The following AAR2 variants were observed in gnomAD, a reference collection of about 807,000 sequenced individuals.
The protein encoded by AAR2 is protein AAR2 homolog.
Under a neutral mutation model 26.9 loss-of-function variants are expected in AAR2, and 31 were observed. The ratio of observed to expected loss-of-function variants is 1.15; its 90% confidence interval spans 0.86 to 1.55. AAR2 has a LOEUF of 1.55. Among genes scored for constraint, AAR2 ranks in the 40% most tolerant of loss-of-function variants. AAR2 has a pLI of 0.00. For missense variants in AAR2, 430 were observed against 491.3 expected (o/e 0.88, Z 1.18); for synonymous variants, 188 against 196.1 (o/e 0.96, Z 0.34).
At chr20:36,252,050 C>G (rs2064784245) in intron 3 of AAR2, among the ~76,000 whole-genome samples, 1 of 152,198 alleles carries the variant, frequency 6.6e-6, no homozygotes, top group Non-Finnish European at 1.5e-5. Context: ...GTGCAAATCA[C>G]TGTGATACAA....
intron 3 of AAR2, among the ~76,000 whole-genome samples, chr20:36,255,232 C>T (rs2064809823): frequency 6.6e-6 from 1 of 152,216 alleles, no homozygotes; most frequent in Non-Finnish European, 1.5e-5. Context: ...TATAAGCACC[C>T]CCAAGCCTTT....
At chr20:36,255,527 G>GC in intron 3 of AAR2, 51 bp from the exon 4 acceptor site, 2 of 1,600,066 alleles carry the variant, frequency 1.2e-6, no homozygotes, top group South Asian at 1.1e-5. Context: ...CAGCTTTCTC[G>GC]CCCCCTGCCC....
At chr20:36,239,628 A>C (rs2064653986) in intron 1 of AAR2, among the ~76,000 whole-genome samples, 193 bp from the exon 2 acceptor site, 1 of 152,178 alleles carries the variant, frequency 6.6e-6, no homozygotes, top group Non-Finnish European at 1.5e-5. Flanking sequence ...CTTGCATGTT[A>C]AGCCAAAACA....
chr20:36,250,420 T>G (rs1214395661), intron 3 of AAR2, among the ~76,000 whole-genome samples: 1 of 152,262 alleles, frequency 6.6e-6, no homozygotes, highest in Non-Finnish European at 1.5e-5. Context: ...TGATTTTGTT[T>G]TAGTGAATAA....
At position 36,240,119 on chromosome 20, in the gene AAR2, G is replaced by A. The variant is rs373216629; in HGVS notation, c.251G>A (p.Arg84Gln). 2.4e-5 allele frequency: 38 copies of A among 1,614,080 alleles called. No individual in the cohort carries two copies. Among genetic ancestry groups the A allele is most frequent in the South Asian group, 6.6e-5 (6 of 91,088 alleles). The change falls in exon 2 of 4, where the codon CGG becomes CAG. Residue 84 changes from arginine to glutamine, a missense_variant. Coordinates refer to ENST00000320849, the MANE Select transcript of AAR2 (RefSeq NM_001271874.2). Reference sequence around the variant, plus strand: ...GGTTTCTTCCTTAGCCTGCACCAGCGGGGGCTGACAGTGCTGCGCTGGAGC... The same window carrying A: ...GGTTTCTTCCTTAGCCTGCACCAGCAGGGGCTGACAGTGCTGCGCTGGAGC... ...RMGFFLSLHQ[R>Q]GLTVLRWSTL...
chr20:36,240,625 G>T lies in AAR2; in HGVS notation c.757G>T (p.Gly253Cys). The change falls in exon 2 of 4, where the codon GGT becomes TGT. Residue 253 changes from glycine to cysteine, a missense_variant and splice_region_variant. Transcript: ENST00000320849. ...QFPSSPQDVL[G>C]ELQFAFVCFL... is the part of the protein sequence containing the mutation. ...CCCCAGCAGCCCCCAGGATGTGCTT[G>T]GTGAGAAGGAACAAGGCTCTTTGGG... is the stretch of plus-strand genomic sequence containing the variant. 2.5e-6 allele frequency: 4 copies of T among 1,607,442 alleles called. No individual in the cohort carries two copies. Among genetic ancestry groups the T allele is most frequent in the Non-Finnish European group, 3.4e-6 (4 of 1,176,086 alleles).
At chr20:36,239,077 T>C (rs1227975454) in intron 1 of AAR2, among the ~76,000 whole-genome samples, 13 of 152,232 alleles carry the variant, frequency 8.5e-5, no homozygotes, top group Admixed American at 7.9e-4. Context: ...TACTAAGCTC[T>C]TTCTCTTCTG....
In AAR2 at chr20:36,240,424, A is replaced by G; in HGVS notation, c.556A>G (p.Lys186Glu). 1 of 1,614,226 alleles carries G rather than the reference A, an allele frequency of 6.2e-7. No homozygotes were observed. Among genetic ancestry groups the G allele is most frequent in the African/African-American group, 1.3e-5 (1 of 75,052 alleles). Residue 186 changes from lysine (K) to glutamate (E), a missense_variant, in exon 2 of 4, where the codon AAA (lysine) becomes GAA (glutamate). Lys to Glu is a moderately conservative substitution (Grantham distance 56). Coordinates refer to ENST00000320849, the MANE Select transcript of AAR2 (RefSeq NM_001271874.2). The stretch of plus-strand genomic sequence containing the variant: ...TCTACCCCGCTGTGGCATTGAGTGC[A>G]AAAGCTACCAAGAGGGCCTGGCCCG... ...QNLPRCGIEC[K>E]SYQEGLARLP...
intron 2 of AAR2, 128 bp downstream of exon 2, chr20:36,240,753 G>C: frequency 1.6e-6 from 2 of 1,260,552 alleles, no homozygotes; most frequent in Non-Finnish European, 1.1e-6. Context: ...TGAAGATACA[G>C]GTGTGTCTTT....
intron 3 of AAR2, 41 bp downstream of exon 3, chr20:36,244,967 A>G: frequency 6.5e-7 from 1 of 1,548,654 alleles, no homozygotes; most frequent in Non-Finnish European, 8.9e-7. Context: ...CATGTGGGTC[A>G]GAATTGAGGC....
At chr20:36,255,088 TA>T (rs112619484) in intron 3 of AAR2, among the ~76,000 whole-genome samples, 26 of 150,532 alleles carry the variant, frequency 1.7e-4, no homozygotes, top group East Asian at 1.6e-3. Flanking sequence ...TTACCACAAT[TA>T]AAAAAAAAAT....
intron 2 of AAR2, among the ~76,000 whole-genome samples, chr20:36,244,166 T>C (rs979786962): frequency 8.5e-5 from 13 of 152,066 alleles, no homozygotes; most frequent in Non-Finnish European, 1.6e-4. Flanking sequence ...CCTTGTGGAG[T>C]TGGGCTGAGG....
At chr20:36,242,411 G>T (rs2064692452) in intron 2 of AAR2, among the ~76,000 whole-genome samples, 1 of 148,554 alleles carries the variant, frequency 6.7e-6, no homozygotes, top group Admixed American at 6.7e-5. Context: ...TTGTTGTTGA[G>T]ACGGAGTCTT....
At chr20:36,239,604 G>A (rs1421403337) in intron 1 of AAR2, among the ~76,000 whole-genome samples, 2 of 152,184 alleles carry the variant, frequency 1.3e-5, no homozygotes, top group Non-Finnish European at 2.9e-5. Flanking sequence ...TCTTATAGCT[G>A]TGAAGTGAGT....
chr20:36,256,811 CTG>C lies in AAR2; in HGVS notation c.*1067_*1068del, dbSNP rs1265894671. ...GTCCCTGTGCCATCCTTTTCCAAGACTGGGGCTCACACCATGTTTTTGAATGA... is the reference window on the plus strand; with the variant it reads ...GTCCCTGTGCCATCCTTTTCCAAGACGGGCTCACACCATGTTTTTGAATGA... On this transcript the variant is annotated 3_prime_UTR_variant, in exon 4 of 4. Coordinates refer to ENST00000320849, the MANE Select transcript of AAR2 (RefSeq NM_001271874.2). 6.5e-6 allele frequency: 1 copy of C among 152,686 alleles called. No homozygotes were observed. Among genetic ancestry groups the C allele is most frequent in the Non-Finnish European group, 1.5e-5 (1 of 68,050 alleles). 9.5% of individuals were successfully genotyped at this position (152,686 alleles called of 1,614,324 possible).
At chr20:36,237,232 T>C (rs1200803492) in intron 1 of AAR2, among the ~76,000 whole-genome samples, 1 of 152,134 alleles carries the variant, frequency 6.6e-6, no homozygotes, top group African/African-American at 2.4e-5. Context: ...TTGTAGGTAA[T>C]AGGAAGAATT....
At chr20:36,253,635 A>C (rs574167419) in intron 3 of AAR2, among the ~76,000 whole-genome samples, 6 of 152,266 alleles carry the variant, frequency 3.9e-5, no homozygotes, top group African/African-American at 1.4e-4. Context: ...ATGTGGAAAA[A>C]ATTACCATTC....
chr20:36,255,430 G>A (rs2064811695), intron 3 of AAR2, 148 bp from the exon 4 acceptor site: 1 of 878,940 alleles, frequency 1.1e-6, no homozygotes. Context: ...CTTGGTTTGG[G>A]GGGAGCATAG....
chr20:36,247,131 A>T (rs1055254439), intron 3 of AAR2, among the ~76,000 whole-genome samples: 1 of 152,260 alleles, frequency 6.6e-6, no homozygotes, highest in African/African-American at 2.4e-5. Flanking sequence ...CTAGCCAAGT[A>T]ACTCCAGATA....
Sources: allele counts gnomAD v4.1 joint callset (sites outside exome capture counted in the v4.1 genomes callset), GRCh38; gene constraint gnomAD v4.1.1; transcripts MANE v1.5; gene names NCBI Gene and HGNC (gene_info 2026-07-23, HGNC 2026-07-21).